SYT6: variants seen among roughly 807,000 people sequenced by gnomAD.
SYT6 encodes the protein synaptotagmin 6.
A neutral mutation model predicts 38.4 loss-of-function variants in SYT6; 24 were observed. The ratio of observed to expected loss-of-function variants is 0.62; its 90% confidence interval spans 0.45 to 0.88. The LOEUF (loss-of-function observed/expected upper bound fraction) is 0.88, where lower values mean the gene tolerates loss of function less well. Among genes scored for constraint, SYT6 ranks in the 40% least tolerant of loss-of-function variants. The pLI, the probability that SYT6 is intolerant of heterozygous loss-of-function variation, is 0.00. For missense variants in SYT6, 611 were observed against 621.0 expected, an observed-to-expected ratio of 0.98 and a Z score of 0.17; for synonymous variants, 265 against 241.9, an observed-to-expected ratio of 1.10 and a Z score of -0.89.
chr1:114,115,653 G>A (rs1466889833), intron 3 of SYT6, among the ~76,000 whole-genome samples: 1 of 152,090 alleles, frequency 6.6e-6, no homozygotes, highest in East Asian at 1.9e-4. Context: ...CCGACTTCAT[G>A]ATCTGCCCGC....
rs372063276 is a variant in SYT6, at chr1:114,128,687, T to A, written c.1071+8808A>T. On this transcript the variant is annotated intron_variant, in intron 3 of 7. Coordinates refer to ENST00000610222, the MANE Select transcript of SYT6 (RefSeq NM_001253772.2). ...ATCTTACTTGATTGGTCATAGCATC[T>A]AATACAGCTGAGCCTTACCCCCATC... Among the ~76,000 whole-genome samples, 5 of 152,336 alleles carry A rather than the reference T, an allele frequency of 3.3e-5. No individual in the cohort carries two copies. In the East Asian group the frequency reaches 5.8e-4, roughly 18 times the overall value.
chr1:114,124,170 T>C (rs1677590473), intron 3 of SYT6, among the ~76,000 whole-genome samples: 2 of 152,200 alleles, frequency 1.3e-5, no homozygotes, highest in Admixed American at 6.5e-5. Flanking sequence ...CCAATGGCCA[T>C]AGCAATTCTT....
intron 3 of SYT6, among the ~76,000 whole-genome samples, chr1:114,122,506 T>TGTGTGTGTGTGTGTGTGTGTGCGC: frequency 6.8e-6 from 1 of 147,408 alleles, no homozygotes; most frequent in African/African-American, 2.5e-5. Context: ...TGTGTGTGTG[T>TGTGTGTGTGTGTGTGTGTGTGCGC]GCGCGCACAT....
At position 114,093,719 on chromosome 1, in the gene SYT6, C is replaced by T; in HGVS notation, c.*51+16G>A. 6.2e-7 allele frequency: 1 copy of T among 1,611,440 alleles called. No individual in the cohort carries two copies. Among genetic ancestry groups the T allele is most frequent in the East Asian group, 2.2e-5 (1 of 44,794 alleles). On this transcript the variant is annotated intron_variant, in intron 7 of 7. Coordinates refer to ENST00000610222, the MANE Select transcript of SYT6 (RefSeq NM_001253772.2). Reference sequence around the variant, plus strand: ...ATAAGCAACCTAACGTCTTTGGGTCCACACCAGGTACTTACTCCTAACTCC... The same window carrying T: ...ATAAGCAACCTAACGTCTTTGGGTCTACACCAGGTACTTACTCCTAACTCC...
chr1:114,139,049 G>A (rs1025152055), intron 2 of SYT6, among the ~76,000 whole-genome samples: 3 of 152,188 alleles, frequency 2.0e-5, no homozygotes, highest in Non-Finnish European at 4.4e-5. Context: ...AAGTGCTTCT[G>A]AATTTAGGGT....
At chr1:114,116,468 GT>G (rs1362353120) in intron 3 of SYT6, among the ~76,000 whole-genome samples, 1 of 152,102 alleles carries the variant, frequency 6.6e-6, no homozygotes, top group Non-Finnish European at 1.5e-5. Context: ...CCAGTGAAGT[GT>G]TTCCCCTGTC....
chr1:114,126,602 TG>T (rs1246295404), intron 3 of SYT6, among the ~76,000 whole-genome samples: 4 of 152,244 alleles, frequency 2.6e-5, no homozygotes, highest in Non-Finnish European at 4.4e-5. Context: ...GGGAGCAAGG[TG>T]GGGGGAAGCA....
chr1:114,148,332 C>T (rs905996589), intron 1 of SYT6, among the ~76,000 whole-genome samples: 9 of 152,192 alleles, frequency 5.9e-5, no homozygotes, highest in Admixed American at 1.3e-4. Context: ...CAGTAACAGG[C>T]GTTCTTGCTA....
At chr1:114,106,100 C>T (rs1676295440) in intron 3 of SYT6, among the ~76,000 whole-genome samples, 1 of 152,188 alleles carries the variant, frequency 6.6e-6, no homozygotes, top group South Asian at 2.1e-4. Context: ...GGCATGGGTC[C>T]TGCGGCAGGG....
rs2101612336 is a variant in SYT6, at chr1:114,091,387, A to G, written c.*747T>C. On this transcript the variant is annotated 3_prime_UTR_variant, in exon 8 of 8. Transcript: ENST00000610222. Reference sequence around the variant, plus strand: ...ATCAAGACGTTTTCAATTCATGGGGAAAGCCAGCGAGGAAGGGGAGCGAGG... The same window carrying G: ...ATCAAGACGTTTTCAATTCATGGGGGAAGCCAGCGAGGAAGGGGAGCGAGG... 6.6e-6 allele frequency: 1 copy of G among 152,524 alleles called. No individual in the cohort carries two copies. Among genetic ancestry groups the G allele is most frequent in the African/African-American group, 2.4e-5 (1 of 41,586 alleles). The allele number at this position is 152,524 out of a possible 1,614,324, so 9.4% of individuals were successfully genotyped here.
chr1:114,130,764 G>A (rs1023209188), intron 3 of SYT6, among the ~76,000 whole-genome samples: 3 of 152,142 alleles, frequency 2.0e-5, no homozygotes, highest in East Asian at 1.9e-4. Context: ...TTGAGGGCTC[G>A]TTGAAGACCT....
intron 3 of SYT6, among the ~76,000 whole-genome samples, chr1:114,133,931 C>T (rs1006322750): frequency 6.6e-6 from 1 of 151,922 alleles, no homozygotes; most frequent in African/African-American, 2.4e-5. Context: ...TGTGAGAAAA[C>T]AATGCAAATG....
intron 1 of SYT6, among the ~76,000 whole-genome samples, chr1:114,148,506 G>A (rs886734976): frequency 1.3e-5 from 2 of 152,128 alleles, no homozygotes; most frequent in East Asian, 3.9e-4. Context: ...GAGCTGCCTC[G>A]GCCAAGGAGC....
chr1:114,148,145 A>T (rs483923), intron 1 of SYT6, among the ~76,000 whole-genome samples: 113,444 of 151,896 alleles, frequency 0.75, 43,399 homozygotes, highest in Middle Eastern at 0.91. Flanking sequence ...GGGTTATTAA[A>T]TAGCAGCTCA....
At chr1:114,113,645 C>A (rs916846369) in intron 3 of SYT6, among the ~76,000 whole-genome samples, 2 of 152,140 alleles carry the variant, frequency 1.3e-5, no homozygotes, top group African/African-American at 4.8e-5. Flanking sequence ...TCATCAAGCC[C>A]TGATAATTCT....
Position 114,134,294 on chromosome 1 carries a change from G to T in SYT6, c.1071+3201C>A, listed in dbSNP as rs145380997. 2.3e-3 allele frequency among the ~76,000 whole-genome samples: 348 copies of T among 152,306 alleles called. 1 individual carries two copies. Among genetic ancestry groups the T allele is most frequent in the African/African-American group, 7.0e-3 (290 of 41,568 alleles). On this transcript the variant is annotated intron_variant, in intron 3 of 7. Transcript: ENST00000610222. ...CCATTTTCTAAATACTACTTGAGCTGCTTCTCCTCCAAGAAGCCTTCCCAG... is the reference window on the plus strand; with the variant it reads ...CCATTTTCTAAATACTACTTGAGCTTCTTCTCCTCCAAGAAGCCTTCCCAG...
chr1:114,122,135 C>T (rs1039646964), intron 3 of SYT6, among the ~76,000 whole-genome samples: 1 of 152,190 alleles, frequency 6.6e-6, no homozygotes, highest in South Asian at 2.1e-4. Flanking sequence ...GAGCTGACTG[C>T]GTGGCCTTGA....
Position 114,137,878 on chromosome 1 carries a change from A to G in SYT6, c.688T>C (p.Cys230Arg). 6.2e-7 allele frequency: 1 copy of G among 1,613,594 alleles called. No homozygotes were observed. Residue 230 changes from cysteine (C) to arginine (R), a missense_variant, in exon 3 of 8, where the codon TGC becomes CGC. Cys to Arg is a radical substitution (Grantham distance 180, BLOSUM62 -3). Coordinates refer to ENST00000610222, the MANE Select transcript of SYT6 (RefSeq NM_001253772.2). ...CGTAGGCTGAAGTTGATCTTCCCGC[A>G]GCTCTTGGTGGCCTCAGACTTGGCA... ...EDAKSEATKSCGKINFSLRYD... is the reference protein window; with the variant it reads ...EDAKSEATKSRGKINFSLRYD...
At chr1:114,122,506 T>TGTGTGC (rs60780339) in intron 3 of SYT6, among the ~76,000 whole-genome samples, 1 of 147,286 alleles carries the variant, frequency 6.8e-6, no homozygotes, top group East Asian at 2.1e-4. Context: ...TGTGTGTGTG[T>TGTGTGC]GCGCGCACAT....
Sources: allele counts gnomAD v4.1 joint callset (sites outside exome capture counted in the v4.1 genomes callset), GRCh38; gene constraint gnomAD v4.1.1; transcripts MANE v1.5; gene names NCBI Gene and HGNC (gene_info 2026-07-23, HGNC 2026-07-21).